ECI2: variants seen among roughly 807,000 people sequenced by gnomAD.
The protein encoded by ECI2 is enoyl-CoA delta isomerase 2, also known as D3,D2-enoyl-CoA isomerase.
A neutral mutation model predicts 38.4 loss-of-function variants in ECI2; 27 were observed. The ratio of observed to expected loss-of-function variants is 0.70; its 90% CI spans 0.52 to 0.97. The LOEUF is 0.97. Ranked by LOEUF, ECI2 falls within the 50% of genes least tolerant of loss-of-function variation. The pLI, the probability that ECI2 is intolerant of heterozygous loss-of-function variation, is 0.00. For synonymous variants in ECI2, 168 were observed against 172.0 expected (o/e 0.98, Z 0.18); for missense variants, 470 against 474.4 (o/e 0.99, Z 0.09).
chr6:4,121,800 C>A (rs896440280), intron 7 of ECI2: 3 of 336,356 alleles, frequency 8.9e-6, no homozygotes, highest in Admixed American at 4.9e-5. Flanking sequence ...ATTTAGATTT[C>A]ATTTCCTATA....
chr6:4,134,587 A>C lies in ECI2; in HGVS notation c.51-876T>G, dbSNP rs1463660046. 2.6e-5 allele frequency among the ~76,000 whole-genome samples: 4 copies of C among 152,214 alleles called. No individual in the cohort carries two copies. In the East Asian group the frequency reaches 7.7e-4, roughly 29 times the overall value. ...AAATAATACAGGTTACAAAGCCCAA[A>C]CCTAACACACAAACACAATTATGTA... is the stretch of plus-strand genomic sequence containing the variant. On this transcript the variant is annotated intron_variant, in intron 1 of 9. Coordinates refer to ENST00000380118, the MANE Select transcript of ECI2 (RefSeq NM_206836.3).
intron 7 of ECI2, among the ~76,000 whole-genome samples, chr6:4,123,159 CTTTAT>C (rs1772916123): frequency 6.6e-6 from 1 of 151,740 alleles, no homozygotes; most frequent in Non-Finnish European, 1.5e-5. Context: ...AGCATATTTC[CTTTAT>C]TTTATTTATT....
chr6:4,127,986 A>C (rs1773285079), intron 4 of ECI2, among the ~76,000 whole-genome samples, 155 bp from the exon 5 acceptor site: 1 of 152,240 alleles, frequency 6.6e-6, no homozygotes, highest in African/African-American at 2.4e-5. Context: ...GGACCAACAT[A>C]ACTGAAGGAA....
chr6:4,127,748 A>C lies in ECI2; in HGVS notation c.571+14T>G, dbSNP rs1470768818. The C allele has an allele frequency of 1.9e-6, 3 of 1,606,504 alleles. No homozygotes were observed. Among genetic ancestry groups the C allele is most frequent in the African/African-American group, 2.7e-5 (2 of 74,366 alleles). ...AATAGAAATTTAATTAGGATGCCTG[A>C]GAAAATGTCTTACCTGTTAAAACAG... On this transcript the variant is annotated intron_variant, in intron 5 of 9. Transcript: ENST00000380118.
chr6:4,116,955 A>G (rs1772319912), intron 9 of ECI2, among the ~76,000 whole-genome samples: 1 of 152,202 alleles, frequency 6.6e-6, no homozygotes, highest in South Asian at 2.1e-4. Context: ...CCACATACAA[A>G]AACAAAAGTG....
Position 4,116,040 on chromosome 6 carries a change from A to T in ECI2, c.1030-11T>A. The T allele has an allele frequency of 6.2e-7, 1 of 1,609,888 alleles. No homozygotes were observed. The highest frequency in any genetic ancestry group is 8.5e-7 in the Non-Finnish European group (1 of 1,178,030). On this transcript the variant is annotated splice_polypyrimidine_tract_variant and intron_variant, in intron 9 of 9. Transcript: ENST00000380118. ...TGAAATTCTCAAGGCCTGGAAAAAC[A>T]AAACCAACAATAAGGTTAAGAGTTG... is the stretch of plus-strand genomic sequence containing the variant.
chr6:4,116,126 A>T, intron 9 of ECI2, 97 bp from the exon 10 acceptor site: 2 of 1,369,998 alleles, frequency 1.5e-6, no homozygotes, highest in Non-Finnish European at 2.0e-6. Context: ...CGAGGCGGGC[A>T]GATCAGTTGA....
chr6:4,132,225 T>A (rs1773535369), intron 2 of ECI2, among the ~76,000 whole-genome samples: 1 of 151,684 alleles, frequency 6.6e-6, no homozygotes, highest in Admixed American at 6.6e-5. Context: ...AAATGTGGAG[T>A]TTCCATTGTC....
intron 1 of ECI2, among the ~76,000 whole-genome samples, chr6:4,134,687 A>C (rs930562909): frequency 1.3e-5 from 2 of 152,226 alleles, no homozygotes; most frequent in Non-Finnish European, 1.5e-5. Flanking sequence ...ATCAGCCTAG[A>C]GTAAGTTTTA....
chr6:4,119,207 C>A lies in ECI2; in HGVS notation c.864G>T (p.Pro288=). The A allele has an allele frequency of 6.2e-7, 1 of 1,613,348 alleles. No individual in the cohort carries two copies. Among genetic ancestry groups the A allele is most frequent in the Non-Finnish European group, 8.5e-7 (1 of 1,179,762 alleles). ...SPEGCSSYTF[P]KIMSPAKATE... ...TTACCTTGGCTGGGCTCATTATCTT[C>A]GGAAAAGTGTAAGAGGAGCATCCTT... The change falls in exon 8 of 10, where the codon CCG becomes CCT. Residue 288 remains proline, a synonymous_variant. Coordinates refer to ENST00000380118, the MANE Select transcript of ECI2 (RefSeq NM_206836.3).
At chr6:4,133,256 T>C (rs1026088577) in intron 2 of ECI2, among the ~76,000 whole-genome samples, 1 of 152,138 alleles carries the variant, frequency 6.6e-6, no homozygotes, top group African/African-American at 2.4e-5. Context: ...TAAAAATACC[T>C]TTTTCAGTTG....
chr6:4,126,373 A>G, intron 5 of ECI2, 136 bp from the exon 6 acceptor site: 1 of 662,782 alleles, frequency 1.5e-6, no homozygotes, highest in Non-Finnish European at 2.6e-6. Context: ...TAACTTACAA[A>G]CTAGTGAGTA....
chr6:4,134,218 T>A (rs1581998676), intron 1 of ECI2, among the ~76,000 whole-genome samples: 1 of 152,218 alleles, frequency 6.6e-6, no homozygotes, highest in East Asian at 1.9e-4. Flanking sequence ...GGAGAATGGA[T>A]GTGAACATAC....
intron 7 of ECI2, among the ~76,000 whole-genome samples, chr6:4,123,779 C>T (rs893474396): frequency 2.0e-5 from 3 of 151,616 alleles, no homozygotes; most frequent in East Asian, 1.9e-4. Context: ...CCAGCCTGGC[C>T]GACACAGTGA....
chr6:4,124,293 T>C (rs1390237740), intron 7 of ECI2, among the ~76,000 whole-genome samples: 2 of 152,218 alleles, frequency 1.3e-5, no homozygotes, highest in Admixed American at 6.5e-5. Flanking sequence ...ATACATCCAA[T>C]CTGGTTCAAT....
At chr6:4,122,833 G>A (rs1247462693) in intron 7 of ECI2, among the ~76,000 whole-genome samples, 4 of 152,172 alleles carry the variant, frequency 2.6e-5, no homozygotes, top group Non-Finnish European at 5.9e-5. Context: ...TACATTACGT[G>A]AATATGTGTG....
chr6:4,116,968 A>G (rs913662541), intron 9 of ECI2, among the ~76,000 whole-genome samples: 2 of 152,232 alleles, frequency 1.3e-5, no homozygotes, highest in Non-Finnish European at 2.9e-5. Context: ...CAAAAGTGCT[A>G]TACAATAAGA....
chr6:4,125,178 G>A (rs1225388343), intron 7 of ECI2, 72 bp downstream of exon 7: 14 of 1,584,042 alleles, frequency 8.8e-6, no homozygotes, highest in Admixed American at 1.7e-5. Flanking sequence ...GACTGGCAAC[G>A]CTGAAGGAGG....
chr6:4,130,371 C>T lies in ECI2; in HGVS notation c.501+1G>A. The T allele has an allele frequency of 6.2e-7, 1 of 1,614,218 alleles. No homozygotes were observed. Among genetic ancestry groups the T allele is most frequent in the Non-Finnish European group, 8.5e-7 (1 of 1,180,030 alleles). ...CAAACTCCGTGGGCAGGTAACATTA[C>T]CTCAGTGTTTATGGCATTTTTCTTT... On this transcript the variant is annotated splice_donor_variant, in intron 4 of 9. Coordinates refer to ENST00000380118, the MANE Select transcript of ECI2 (RefSeq NM_206836.3). LOFTEE classifies it high-confidence loss of function.
Sources: allele counts gnomAD v4.1 joint callset (sites outside exome capture counted in the v4.1 genomes callset), GRCh38; gene constraint gnomAD v4.1.1; transcripts MANE v1.5; gene names NCBI Gene and HGNC (gene_info 2026-07-23, HGNC 2026-07-21).